The following IGFL2 variants were observed in gnomAD, a reference collection of about 807,000 sequenced individuals.
The protein encoded by IGFL2 is insulin growth factor-like family member 2.
IGFL2 carries 7 observed loss-of-function variants against 13.9 expected under a neutral mutation model. The observed-to-expected ratio is 0.51, with a 90% CI of 0.29 to 0.95. The LOEUF is 0.95. IGFL2 is among the 40% of genes least tolerant of loss of function. The probability of loss-of-function intolerance (pLI) is 0.08; values close to 1 mark genes in which losing one functional copy is unlikely to be tolerated. For missense variants in IGFL2, 138 were observed against 147.8 expected (o/e 0.93, Z 0.34); for synonymous variants, 55 against 55.8 (o/e 0.99, Z 0.07).
At chr19:46,131,521 C>T in the IGFL2 span, among the ~76,000 whole-genome samples, 1 of 152,196 alleles carries the variant, frequency 6.6e-6, no homozygotes. Flanking sequence ...TGTTTTAATA[C>T]TTTCTGTCTC....
At chr19:46,145,598 ATATGTGTG>A (rs869134900), upstream of IGFL2, among the ~76,000 whole-genome samples, 544 of 138,456 alleles carry the variant, frequency 3.9e-3, 2 homozygotes, top group East Asian at 0.017. Flanking sequence ...ACACTCATAT[ATATGTGTG>A]TGTGTGTGTG....
the IGFL2 span, chr19:46,113,870 C>T: frequency 6.5e-6 from 1 of 154,452 alleles, no homozygotes. Context: ...TATTGAAGTT[C>T]TGCTCTGTGT....
chr19:46,137,356 G>C, the IGFL2 span: 1 of 1,135,492 alleles, frequency 8.8e-7, no homozygotes. Flanking sequence ...TGATGAACCA[G>C]TTACAGACCT....
chr19:46,181,509 C>T, the IGFL2 span, among the ~76,000 whole-genome samples: 1 of 152,230 alleles, frequency 6.6e-6, no homozygotes, highest in Non-Finnish European at 1.5e-5. Context: ...CTGTAGATCA[C>T]ATCACTATTG....
chr19:46,129,642 T>G, the IGFL2 span, among the ~76,000 whole-genome samples: 1 of 152,214 alleles, frequency 6.6e-6, no homozygotes, highest in Non-Finnish European at 1.5e-5. Context: ...AGGGGCAGGT[T>G]ATTCAATTTC....
At chr19:46,126,007 T>C in the IGFL2 span, among the ~76,000 whole-genome samples, 1 of 152,192 alleles carries the variant, frequency 6.6e-6, no homozygotes, top group Non-Finnish European at 1.5e-5. Context: ...GGATAATTTT[T>C]AATGCATTTT....
the IGFL2 span, among the ~76,000 whole-genome samples, chr19:46,205,077 G>A: frequency 6.6e-6 from 1 of 152,054 alleles, no homozygotes; most frequent in Admixed American, 6.6e-5. Flanking sequence ...GTGAGCCACC[G>A]TGCCCAGCAT....
chr19:46,121,401 A>AG, the IGFL2 span, among the ~76,000 whole-genome samples: 1 of 148,678 alleles, frequency 6.7e-6, no homozygotes, highest in Non-Finnish European at 1.5e-5. Flanking sequence ...CTTGAAAAAA[A>AG]AAAAAAAAGA....
chr19:46,166,100 A>C (rs556504979), downstream of IGFL2, among the ~76,000 whole-genome samples: 559 of 152,312 alleles, frequency 3.7e-3, 4 homozygotes, highest in African/African-American at 0.013. Context: ...TAACTTCCAA[A>C]AAGGTGTTAG....
At chr19:46,105,331 A>G in the IGFL2 span, among the ~76,000 whole-genome samples, 1 of 152,278 alleles carries the variant, frequency 6.6e-6, no homozygotes, top group Admixed American at 6.5e-5. Flanking sequence ...GCTGAGAGGT[A>G]GTGGAGTGGG....
chr19:46,130,905 T>G, the IGFL2 span, among the ~76,000 whole-genome samples: 4 of 152,184 alleles, frequency 2.6e-5, no homozygotes, highest in Non-Finnish European at 4.4e-5. Context: ...TGGTGGAGTC[T>G]TCTTTTTTGA....
At chr19:46,204,619 C>T in the IGFL2 span, among the ~76,000 whole-genome samples, 1 of 152,114 alleles carries the variant, frequency 6.6e-6, no homozygotes, top group African/African-American at 2.4e-5. Flanking sequence ...ACAGAGTGGG[C>T]AGCTTTGGGA....
the IGFL2 span, among the ~76,000 whole-genome samples, chr19:46,083,177 C>G: frequency 6.6e-6 from 1 of 152,206 alleles, no homozygotes; most frequent in East Asian, 1.9e-4. Flanking sequence ...TTTAGAATTT[C>G]TACTTCCAGG....
chr19:46,164,066 G>A (rs1435550987), downstream of IGFL2: 1 of 152,342 alleles, frequency 6.6e-6, no homozygotes, highest in Non-Finnish European at 1.5e-5. Context: ...TGTTTTGGTA[G>A]AGCAGCTGTG....
At chr19:46,190,230 G>A in the IGFL2 span, 1 of 152,198 alleles carries the variant, frequency 6.6e-6, no homozygotes, top group Non-Finnish European at 1.5e-5. Flanking sequence ...TCACATGTCT[G>A]TGCTCAGCAG....
chr19:46,179,879 G>T, the IGFL2 span, among the ~76,000 whole-genome samples: 946 of 152,186 alleles, frequency 6.2e-3, 7 homozygotes, highest in Middle Eastern at 0.037. Flanking sequence ...TTGTGCCACT[G>T]CACTCCAGCC....
At chr19:46,182,570 G>A in the IGFL2 span, among the ~76,000 whole-genome samples, 87 of 152,208 alleles carry the variant, frequency 5.7e-4, no homozygotes, top group Non-Finnish European at 1.5e-5. Flanking sequence ...TTTGTTAGCT[G>A]AGTTGATTGA....
chr19:46,103,592 A>G, the IGFL2 span, among the ~76,000 whole-genome samples: 8 of 151,982 alleles, frequency 5.3e-5, no homozygotes, highest in African/African-American at 1.9e-4. Context: ...GTTTGGAGGA[A>G]AAATGTAAAC....
chr19:46,099,816 G>A, the IGFL2 span, among the ~76,000 whole-genome samples: 5 of 152,072 alleles, frequency 3.3e-5, no homozygotes, highest in Non-Finnish European at 7.4e-5. Flanking sequence ...ATGAGTCACC[G>A]AGCCTGTGCT....
Sources: allele counts gnomAD v4.1 joint callset (sites outside exome capture counted in the v4.1 genomes callset), GRCh38; gene constraint gnomAD v4.1.1; transcripts MANE v1.5; gene names NCBI Gene and HGNC (gene_info 2026-07-23, HGNC 2026-07-21).